CLSTN2: variants seen among roughly 807,000 people sequenced by gnomAD.
CLSTN2 encodes calsyntenin 2.
Under a neutral mutation model 101.2 loss-of-function variants are expected in CLSTN2, and 48 were observed. The ratio of observed to expected loss-of-function variants is 0.47; its 90% CI spans 0.38 to 0.60. The LOEUF is 0.60. CLSTN2 is among the 20% of genes least tolerant of loss of function. CLSTN2 has a pLI of 0.00. For synonymous variants in CLSTN2, 481 were observed against 463.6 expected (o/e 1.04, Z -0.48); for missense variants, 1,160 against 1,238.2 (o/e 0.94, Z 0.95).
In CLSTN2 at chr3:140,296,135, C is replaced by T. The variant is rs1385149341; in HGVS notation, c.233-107494C>T. On this transcript the variant is annotated intron_variant, in intron 2 of 16. Coordinates refer to ENST00000458420, the MANE Select transcript of CLSTN2 (RefSeq NM_022131.3). Reference sequence around the variant, plus strand: ...TTCTTGCATCTACCACCCGCAACTTCATAGCTTTAACTATCTTAGAATCTA... The same window carrying T: ...TTCTTGCATCTACCACCCGCAACTTTATAGCTTTAACTATCTTAGAATCTA... Among the ~76,000 whole-genome samples the T allele has an allele frequency of 2.0e-5, 3 of 152,178 alleles. No homozygotes were observed. The East Asian group carries it at 5.8e-4, about 29-fold the overall frequency.
chr3:140,377,022 C>CACACAGAGAGAGAGAGAGAGAG (rs148236356), intron 2 of CLSTN2, among the ~76,000 whole-genome samples: 35 of 148,832 alleles, frequency 2.4e-4, no homozygotes, highest in Admixed American at 1.3e-3. Flanking sequence ...CACACATACA[C>CACACAGAGAGAGAGAGAGAGAG]AGAGAGAGAG....
At chr3:140,388,101 T>G (rs2088073559) in intron 2 of CLSTN2, among the ~76,000 whole-genome samples, 1 of 152,230 alleles carries the variant, frequency 6.6e-6, no homozygotes, top group Non-Finnish European at 1.5e-5. Flanking sequence ...TGCCTGAAAT[T>G]AAAGTAATGG....
chr3:140,353,349 T>C (rs746780099), intron 2 of CLSTN2, among the ~76,000 whole-genome samples: 5 of 151,594 alleles, frequency 3.3e-5, no homozygotes, highest in Non-Finnish European at 5.9e-5. Flanking sequence ...CCAGTCCAAG[T>C]TCCAAAACTG....
At chr3:139,973,793 C>T (rs945899005) in intron 1 of CLSTN2, among the ~76,000 whole-genome samples, 2 of 152,094 alleles carry the variant, frequency 1.3e-5, no homozygotes, top group Non-Finnish European at 1.5e-5. Context: ...TGTGTGCCAC[C>T]ATGCCCAGCT....
Position 140,568,521 on chromosome 3 carries a change from A to G in CLSTN2, c.*2268A>G, listed in dbSNP as rs1985390816. ...TGTGTCTGTACATCCACAAGAGGAA[A>G]GTCTATAGGACTGATTAGTTTTCAC... is the stretch of plus-strand genomic sequence containing the variant. On this transcript the variant is annotated 3_prime_UTR_variant, in exon 17 of 17. Coordinates refer to ENST00000458420, the MANE Select transcript of CLSTN2 (RefSeq NM_022131.3). The G allele has an allele frequency of 6.6e-6, 1 of 152,234 alleles. No individual in the cohort carries two copies. Among genetic ancestry groups the G allele is most frequent in the Non-Finnish European group, 1.5e-5 (1 of 68,036 alleles). 9.4% of individuals were successfully genotyped at this position (152,234 alleles called of 1,614,324 possible). A position where few individuals can be genotyped will look rare whatever the true frequency, so the allele number is the denominator to read the frequency against.
chr3:140,363,286 A>G (rs951424325), intron 2 of CLSTN2, among the ~76,000 whole-genome samples: 2 of 152,222 alleles, frequency 1.3e-5, no homozygotes, highest in African/African-American at 4.8e-5. Context: ...GCAAACCTAT[A>G]GAGAGAGAAA....
intron 2 of CLSTN2, among the ~76,000 whole-genome samples, chr3:140,353,170 A>G (rs1407433978): frequency 1.3e-5 from 2 of 150,772 alleles, no homozygotes; most frequent in South Asian, 4.2e-4. Flanking sequence ...GCAACTGTGA[A>G]TTTTGGTATC....
chr3:140,198,450 C>G (rs925003725), intron 2 of CLSTN2, among the ~76,000 whole-genome samples: 1 of 152,198 alleles, frequency 6.6e-6, no homozygotes, highest in Non-Finnish European at 1.5e-5. Context: ...CTGGGCTGCA[C>G]TCTCCTCTGG....
At chr3:140,433,990 C>T (rs765488224) in intron 5 of CLSTN2, among the ~76,000 whole-genome samples, 1 of 152,184 alleles carries the variant, frequency 6.6e-6, no homozygotes, top group Non-Finnish European at 1.5e-5. Flanking sequence ...GGCAAAGTGC[C>T]TGTTAAATGG....
intron 1 of CLSTN2, among the ~76,000 whole-genome samples, chr3:140,060,112 C>G (rs1172480627): frequency 6.6e-6 from 1 of 152,120 alleles, no homozygotes; most frequent in African/African-American, 2.4e-5. Context: ...GTAAATAACT[C>G]AGCGAGGTTC....
chr3:140,241,876 T>TACACACACACACACAC (rs747382201), intron 2 of CLSTN2, among the ~76,000 whole-genome samples: 98 of 140,074 alleles, frequency 7.0e-4, no homozygotes, highest in African/African-American at 2.6e-3. Context: ...TACACATATA[T>TACACACACACACACAC]ATATACACAC....
chr3:140,328,076 A>G (rs990531888), intron 2 of CLSTN2, among the ~76,000 whole-genome samples: 3 of 152,010 alleles, frequency 2.0e-5, no homozygotes, highest in African/African-American at 7.2e-5. Context: ...GCTTCCTTTC[A>G]CTTGCATTGG....
intron 1 of CLSTN2, among the ~76,000 whole-genome samples, chr3:140,130,791 T>C (rs2009510395): frequency 6.6e-6 from 1 of 152,152 alleles, no homozygotes. Context: ...ATTCCTGTGA[T>C]ATATTTTGCG....
chr3:140,082,076 C>T (rs1398347798), intron 1 of CLSTN2, among the ~76,000 whole-genome samples: 1 of 152,162 alleles, frequency 6.6e-6, no homozygotes, highest in Non-Finnish European at 1.5e-5. Flanking sequence ...AATGGAGCAG[C>T]AGGAGTGGAC....
intron 8 of CLSTN2, among the ~76,000 whole-genome samples, chr3:140,491,898 A>T (rs1934360167): frequency 6.6e-6 from 1 of 152,208 alleles, no homozygotes; most frequent in South Asian, 2.1e-4. Flanking sequence ...GAATTTGTTC[A>T]TTTACTTAAC....
chr3:140,438,366 G>A (rs1268711712), intron 5 of CLSTN2, among the ~76,000 whole-genome samples: 7 of 129,200 alleles, frequency 5.4e-5, no homozygotes, highest in East Asian at 2.7e-4. Context: ...TTCAGCTTGC[G>A]ACTCTTGTTC....
At chr3:139,960,207 A>G (rs1050689802) in intron 1 of CLSTN2, among the ~76,000 whole-genome samples, 2 of 152,232 alleles carry the variant, frequency 1.3e-5, no homozygotes, top group Non-Finnish European at 2.9e-5. Flanking sequence ...ATGCGATATC[A>G]CTGAGCATGG....
At chr3:140,126,289 G>C (rs34947371) in intron 1 of CLSTN2, among the ~76,000 whole-genome samples, 41,520 of 151,864 alleles carry the variant, frequency 0.27, 6,438 homozygotes, top group East Asian at 0.47. Context: ...TGGCTTGGAA[G>C]TAGGCAGATG....
intron 6 of CLSTN2, among the ~76,000 whole-genome samples, chr3:140,450,486 C>A (rs1933218497): frequency 6.6e-6 from 1 of 152,172 alleles, no homozygotes; most frequent in African/African-American, 2.4e-5. Context: ...TTGATTTCTT[C>A]CTTGTTCTCT....
Sources: allele counts gnomAD v4.1 joint callset (sites outside exome capture counted in the v4.1 genomes callset), GRCh38; gene constraint gnomAD v4.1.1; transcripts MANE v1.5; gene names NCBI Gene and HGNC (gene_info 2026-07-23, HGNC 2026-07-21).